Variants in CSMD1 observed in about 807,000 individuals in gnomAD.
CSMD1 encodes the protein CUB and sushi domain-containing protein 1.
CSMD1 carries 213 observed loss-of-function variants against 417.5 expected under a neutral mutation model. The ratio of observed to expected loss-of-function variants is 0.51; its 90% CI spans 0.46 to 0.57. CSMD1 has a LOEUF of 0.57. Among genes scored for constraint, CSMD1 ranks in the 20% least tolerant of loss-of-function variants. The pLI, the probability that CSMD1 is intolerant of heterozygous loss-of-function variation, is 0.00. For missense variants in CSMD1, 6,923 were observed against 4,529.7 expected, an observed-to-expected ratio of 1.53 and a Z score of -15.17; for synonymous variants, 2,862 against 1,736.8, an observed-to-expected ratio of 1.65 and a Z score of -16.11.
intron 3 of CSMD1, among the ~76,000 whole-genome samples, chr8:4,213,881 G>C (rs1800473106): frequency 6.6e-6 from 1 of 152,196 alleles, no homozygotes; most frequent in Non-Finnish European, 1.5e-5. Context: ...TGAAGGTGAG[G>C]TCCTACAGAT....
At chr8:3,355,894 G>C (rs73505681) in intron 21 of CSMD1, among the ~76,000 whole-genome samples, 2 of 152,164 alleles carry the variant, frequency 1.3e-5, no homozygotes, top group African/African-American at 4.8e-5. Context: ...TGCCAGAAGA[G>C]AGGGTTTGAG....
At chr8:4,969,063 T>C (rs1215480623) in intron 1 of CSMD1, among the ~76,000 whole-genome samples, 1 of 152,120 alleles carries the variant, frequency 6.6e-6, no homozygotes, top group Non-Finnish European at 1.5e-5. Flanking sequence ...AATGCCACCA[T>C]GTAGGTAAAG....
Position 3,443,406 on chromosome 8 carries a change from T to C in CSMD1, c.1561+25306A>G, listed in dbSNP as rs147646598. Among the ~76,000 whole-genome samples, 292 of 152,028 alleles carry C rather than the reference T, an allele frequency of 1.9e-3. 1 individual carries two copies. Among genetic ancestry groups the C allele is most frequent in the African/African-American group, 6.4e-3 (265 of 41,494 alleles). On this transcript the variant is annotated intron_variant, in intron 12 of 69. Coordinates refer to ENST00000635120, the MANE Select transcript of CSMD1 (RefSeq NM_033225.6). The stretch of plus-strand genomic sequence containing the variant: ...CAGAATTCATTAGATAGAAAAAAAA[T>C]AGAGCCTAAAACACATTACTGCTTA...
At chr8:4,549,616 C>A (rs565925322) in intron 2 of CSMD1, among the ~76,000 whole-genome samples, 1 of 151,996 alleles carries the variant, frequency 6.6e-6, no homozygotes, top group Admixed American at 6.6e-5. Context: ...TGGCCGGGCG[C>A]GGTGGCTCAC....
At chr8:4,329,535 T>G (rs12545285) in intron 3 of CSMD1, among the ~76,000 whole-genome samples, 137,652 of 152,154 alleles carry the variant, frequency 0.9, 63,750 homozygotes, top group East Asian at 1. Context: ...TGATTTGTCT[T>G]CCTTGGCCTC....
At position 3,367,013 on chromosome 8, in the gene CSMD1, G is replaced by C. The variant is rs1484021436; in HGVS notation, c.3115+19C>G. 6.3e-7 allele frequency: 1 copy of C among 1,589,376 alleles called. No homozygotes were observed. The highest frequency in any genetic ancestry group is 8.6e-7 in the Non-Finnish European group (1 of 1,159,330). ...GTATTGTTGCCAGAGGAGAGAAACA[G>C]CAAACAAGACCAACATACCTGAAAA... On this transcript the variant is annotated intron_variant, in intron 20 of 69. Transcript: ENST00000635120.
At chr8:4,748,973 C>A (rs1371914770) in intron 1 of CSMD1, among the ~76,000 whole-genome samples, 1 of 152,326 alleles carries the variant, frequency 6.6e-6, no homozygotes, top group South Asian at 2.1e-4. Context: ...CTAATAAGTT[C>A]TAAGCTACTG....
chr8:4,134,780 C>A (rs1282549397), intron 3 of CSMD1, among the ~76,000 whole-genome samples: 3 of 152,208 alleles, frequency 2.0e-5, no homozygotes, highest in Non-Finnish European at 2.9e-5. Context: ...CCATTCTCAA[C>A]ACGGCATCAT....
At chr8:4,852,347 T>G (rs1038629612) in intron 1 of CSMD1, among the ~76,000 whole-genome samples, 2 of 152,146 alleles carry the variant, frequency 1.3e-5, no homozygotes, top group Non-Finnish European at 2.9e-5. Context: ...GAGAGAGTTC[T>G]TGCAACATCT....
rs1231926899 is a variant in CSMD1 at position 3,178,970 on chromosome 8, CG to C, written c.5725+2139del. Among the ~76,000 whole-genome samples, 85 of 138,422 alleles carry C rather than the reference CG, an allele frequency of 6.1e-4. 1 individual carries two copies. Among genetic ancestry groups the C allele is most frequent in the African/African-American group, 2.2e-3 (80 of 36,706 alleles). The allele number at this position is 138,422 out of a possible 152,430, so 90.8% of individuals were successfully genotyped here. A position where few individuals can be genotyped will look rare whatever the true frequency, so the allele number is the denominator to read the frequency against. ...TTTCTTTTTTTTTTTTTTTTTGAGA[CG>C]GAGTCTCACTCTGTCACCCAGGCTG... is the stretch of plus-strand genomic sequence containing the variant. On this transcript the variant is annotated intron_variant, in intron 37 of 69. Coordinates refer to ENST00000635120, the MANE Select transcript of CSMD1 (RefSeq NM_033225.6).
chr8:4,953,889 G>T (rs1226747350), intron 1 of CSMD1, among the ~76,000 whole-genome samples: 1 of 152,030 alleles, frequency 6.6e-6, no homozygotes, highest in Non-Finnish European at 1.5e-5. Context: ...CTTAGAGATT[G>T]GACTACCCAG....
intron 37 of CSMD1, among the ~76,000 whole-genome samples, chr8:3,165,618 A>G (rs1820157604): frequency 6.6e-6 from 1 of 151,734 alleles, no homozygotes; most frequent in South Asian, 2.1e-4. Flanking sequence ...ATTTTTAGAA[A>G]AGACGGGGTT....
rs888677129 is a variant in CSMD1, at chr8:4,173,395, G to C, written c.416-141296C>G. Among the ~76,000 whole-genome samples, 3 of 152,136 alleles carry C rather than the reference G, an allele frequency of 2.0e-5. 1 individual carries two copies. The highest frequency in any genetic ancestry group is 4.4e-5 in the Non-Finnish European group (3 of 68,042). ...AGATGAGACAGAGGCATAAAGAGAA[G>C]TTTGCATTTAACGTGGTGACTACAG... is the stretch of plus-strand genomic sequence containing the variant. On this transcript the variant is annotated intron_variant, in intron 3 of 69. Coordinates refer to ENST00000635120, the MANE Select transcript of CSMD1 (RefSeq NM_033225.6).
intron 1 of CSMD1, among the ~76,000 whole-genome samples, chr8:4,827,179 C>T (rs1017719138): frequency 1.3e-5 from 2 of 152,086 alleles, no homozygotes; most frequent in East Asian, 1.9e-4. Context: ...TTTTCGTTGC[C>T]ATGCAATATA....
chr8:3,778,857 G>T (rs545793246), intron 5 of CSMD1, among the ~76,000 whole-genome samples: 1 of 152,266 alleles, frequency 6.6e-6, no homozygotes, highest in Admixed American at 6.5e-5. Flanking sequence ...ACTCAGTTGA[G>T]AAAACATGCT....
intron 5 of CSMD1, among the ~76,000 whole-genome samples, chr8:3,928,317 T>C (rs1223758027): frequency 1.3e-5 from 2 of 152,218 alleles, no homozygotes; most frequent in African/African-American, 4.8e-5. Context: ...TGTATTTTTC[T>C]TTTAATTGCC....
chr8:4,983,230 C>G (rs1295562196), intron 1 of CSMD1, among the ~76,000 whole-genome samples: 1 of 152,202 alleles, frequency 6.6e-6, no homozygotes, highest in Non-Finnish European at 1.5e-5. Flanking sequence ...AATAAGCAGG[C>G]ACAGTGACTG....
chr8:4,747,328 A>G (rs767755268), intron 1 of CSMD1, among the ~76,000 whole-genome samples: 3 of 152,194 alleles, frequency 2.0e-5, no homozygotes, highest in Non-Finnish European at 4.4e-5. Flanking sequence ...TTTCATAAAT[A>G]TGAAGAATTT....
chr8:4,793,438 T>C (rs984754037), intron 1 of CSMD1, among the ~76,000 whole-genome samples: 12 of 152,088 alleles, frequency 7.9e-5, no homozygotes, highest in African/African-American at 1.9e-4. Flanking sequence ...CAGCTCTTTA[T>C]CACTTTCTCC....
Sources: allele counts gnomAD v4.1 joint callset (sites outside exome capture counted in the v4.1 genomes callset), GRCh38; gene constraint gnomAD v4.1.1; transcripts MANE v1.5; gene names NCBI Gene and HGNC (gene_info 2026-07-23, HGNC 2026-07-21).